Variants in CLPSL1 observed in about 807,000 individuals in gnomAD.
CLPSL1 encodes the protein colipase-like protein 1.
A neutral mutation model predicts 9.3 loss-of-function variants in CLPSL1; 13 were observed. The observed-to-expected ratio is 1.40, with a 90% CI of 0.91 to 2.22. The LOEUF is 2.22. CLPSL1 is among the 30% of genes most tolerant of loss of function. CLPSL1 has a pLI of 0.00. For missense variants in CLPSL1, 164 were observed against 146.6 expected, an observed-to-expected ratio of 1.12 and a Z score of -0.61; for synonymous variants, 58 against 56.9, an observed-to-expected ratio of 1.02 and a Z score of -0.08.
chr6:35,786,970 C>T (rs1182270568), intron 1 of CLPSL1, 28 bp from the exon 2 acceptor site: 1 of 1,557,916 alleles, frequency 6.4e-7, no homozygotes, highest in East Asian at 2.4e-5. Context: ...GGCGGTGGAG[C>T]CTGGCGGTGC....
At chr6:35,781,240 C>T (rs755227536) in intron 1 of CLPSL1, 31 bp downstream of exon 1, 6 of 1,609,508 alleles carry the variant, frequency 3.7e-6, no homozygotes, top group Non-Finnish European at 5.1e-6. Context: ...AGTCACCTCC[C>T]CCTCCACTGT....
chr6:35,781,174 A>T lies in CLPSL1; in HGVS notation c.64A>T (p.Arg22Trp). 2 of 1,613,918 alleles carry T rather than the reference A, an allele frequency of 1.2e-6. No individual in the cohort carries two copies. The highest frequency in any genetic ancestry group is 1.7e-6 in the Non-Finnish European group (2 of 1,179,884). The change falls in exon 1 of 3, where the codon AGG (arginine) becomes TGG (tryptophan). Residue 22 changes from arginine to tryptophan, a missense_variant. Coordinates refer to ENST00000373861, the MANE Select transcript of CLPSL1 (RefSeq NM_001010886.5). ...LLFFFLFLLT[R>W]GSLSPTKYNL... is the part of the protein sequence containing the mutation. Reference sequence around the variant, plus strand: ...CTTCTTCTTTCTCTTCCTCCTCACCAGGGGCTCACTTTCTCCAACAAAATA... The same window carrying T: ...CTTCTTCTTTCTCTTCCTCCTCACCTGGGGCTCACTTTCTCCAACAAAATA...
At chr6:35,790,081 C>T (rs2151062956), downstream of CLPSL1, among the ~76,000 whole-genome samples, 1 of 152,294 alleles carries the variant, frequency 6.6e-6, no homozygotes, top group Non-Finnish European at 1.5e-5. Flanking sequence ...TGTGCGCTAC[C>T]ACACCTAACT....
chr6:35,787,800 G>C, intron 2 of CLPSL1, 67 bp from the exon 3 acceptor site: 1 of 1,499,618 alleles, frequency 6.7e-7, no homozygotes. Context: ...GAGCTGGGCT[G>C]GGCTGGGCTT....
chr6:35,787,034 G>A lies in CLPSL1; in HGVS notation c.136G>A (p.Glu46Lys), dbSNP rs779143220. The A allele has an allele frequency of 3.8e-6, 6 of 1,594,268 alleles. No individual in the cohort carries two copies. Among genetic ancestry groups the A allele is most frequent in the Non-Finnish European group, 5.1e-6 (6 of 1,172,666 alleles). The stretch of plus-strand genomic sequence containing the variant: ...GTCTTGCATCCGGAACCAGGACTGC[G>A]AGACTGGCTGCTGCCAACGTGCTCC... ...KESCIRNQDCETGCCQRAPDN... is the reference protein window; with the variant it reads ...KESCIRNQDCKTGCCQRAPDN... Residue 46 changes from glutamate to lysine, a missense_variant, in exon 2 of 3, where the codon GAG becomes AAG. By Grantham distance (56) the Glu-to-Lys change is moderately conservative (BLOSUM62 1). Coordinates refer to ENST00000373861, the MANE Select transcript of CLPSL1 (RefSeq NM_001010886.5).
downstream of CLPSL1, among the ~76,000 whole-genome samples, chr6:35,792,265 C>A (rs1370632702): frequency 5.9e-5 from 9 of 151,548 alleles, no homozygotes; most frequent in Admixed American, 4.6e-4. Context: ...CAGAGTGAGA[C>A]CCTGTCTCAA....
chr6:35,785,685 C>G lies in CLPSL1; in HGVS notation c.100-1313C>G, dbSNP rs1463282007. ...TGCCAAATTATCATTTTTAGAGAGG[C>G]AATGTGATAACTGTTGAACCATCAC... On this transcript the variant is annotated intron_variant, in intron 1 of 2. Transcript: ENST00000373861. 2.0e-5 allele frequency among the ~76,000 whole-genome samples: 3 copies of G among 152,202 alleles called. No homozygotes were observed. The East Asian group carries it at 5.8e-4, about 29-fold the overall frequency.
chr6:35,787,771 G>A (rs890655165), intron 2 of CLPSL1, 96 bp from the exon 3 acceptor site: 5 of 1,185,960 alleles, frequency 4.2e-6, no homozygotes, highest in Admixed American at 1.8e-5. Context: ...CCTGGCTGTG[G>A]GCAAGCACAT....
At chr6:35,789,835 A>C (rs1768153732), downstream of CLPSL1, among the ~76,000 whole-genome samples, 1 of 152,178 alleles carries the variant, frequency 6.6e-6, no homozygotes, top group African/African-American at 2.4e-5. Flanking sequence ...TGGAGGTTGC[A>C]GTGAGCCGAG....
downstream of CLPSL1, among the ~76,000 whole-genome samples, chr6:35,793,029 T>C (rs1434932788): frequency 6.6e-6 from 1 of 152,278 alleles, no homozygotes; most frequent in Non-Finnish European, 1.5e-5. Context: ...TTATTCCCTT[T>C]GCTTTCCCAG....
At chr6:35,784,697 C>G (rs558740496) in intron 1 of CLPSL1, among the ~76,000 whole-genome samples, 22 of 152,246 alleles carry the variant, frequency 1.4e-4, no homozygotes, top group Non-Finnish European at 2.9e-4. Flanking sequence ...CCCAGAGGTT[C>G]GAGACCAACC....
chr6:35,785,485 G>A (rs1768051819), intron 1 of CLPSL1, among the ~76,000 whole-genome samples: 1 of 151,664 alleles, frequency 6.6e-6, no homozygotes, highest in Non-Finnish European at 1.5e-5. Context: ...CCCTGTCCCC[G>A]GAAATTCATA....
chr6:35,793,005 C>G (rs1768249451), downstream of CLPSL1, among the ~76,000 whole-genome samples: 1 of 152,266 alleles, frequency 6.6e-6, no homozygotes, highest in South Asian at 2.1e-4. Context: ...GAACCTGGCC[C>G]CAGGAGAAGG....
downstream of CLPSL1, among the ~76,000 whole-genome samples, chr6:35,790,507 T>G (rs144736349): frequency 1.4e-4 from 21 of 152,356 alleles, no homozygotes; most frequent in Admixed American, 5.2e-4. Flanking sequence ...TTATTCAGAA[T>G]GTAGGGAAGT....
downstream of CLPSL1, chr6:35,793,822 CTG>C (rs1429494388): frequency 2.9e-6 from 1 of 343,036 alleles, no homozygotes; most frequent in African/African-American, 2.1e-5. Flanking sequence ...CCCTCACTCT[CTG>C]TGGGAATCTC....
downstream of CLPSL1, among the ~76,000 whole-genome samples, chr6:35,790,695 G>A: frequency 6.6e-6 from 1 of 152,286 alleles, no homozygotes; most frequent in Non-Finnish European, 1.5e-5. Flanking sequence ...CTGTTTAGGT[G>A]TGGTGCCAAC....
chr6:35,793,522 C>T (rs1451640122), exon 2 of CLPSL1: 20 of 471,614 alleles, frequency 4.2e-5, no homozygotes, highest in East Asian at 3.5e-4. Flanking sequence ...CCTTCGAATA[C>T]GGTGAGAACG....
chr6:35,781,800 C>G (rs1381806102), intron 1 of CLPSL1, among the ~76,000 whole-genome samples: 6 of 148,668 alleles, frequency 4.0e-5, no homozygotes, highest in Non-Finnish European at 7.4e-5. Flanking sequence ...GGCTGGAGTG[C>G]AGTGGGGCAA....
intron 1 of CLPSL1, 86 bp downstream of exon 1, chr6:35,781,295 A>G: frequency 6.6e-7 from 1 of 1,517,634 alleles, no homozygotes; most frequent in Admixed American, 2.0e-5. Flanking sequence ...CATGGGGGCT[A>G]GTGTGGGAGA....
Sources: allele counts gnomAD v4.1 joint callset (sites outside exome capture counted in the v4.1 genomes callset), GRCh38; gene constraint gnomAD v4.1.1; transcripts MANE v1.5; gene names NCBI Gene and HGNC (gene_info 2026-07-23, HGNC 2026-07-21).